The following DCHS2 variants were observed in gnomAD, a reference collection of about 807,000 sequenced individuals.
DCHS2 encodes the protein dachsous cadherin-related 2.
DCHS2 carries 142 observed loss-of-function variants against 182.4 expected under a neutral mutation model. The ratio of observed to expected loss-of-function variants is 0.78; its 90% confidence interval spans 0.68 to 0.89. The LOEUF (loss-of-function observed/expected upper bound fraction) is 0.89, where lower values mean the gene tolerates loss of function less well. Ranked by LOEUF, DCHS2 falls within the 40% of genes least tolerant of loss-of-function variation. The probability of loss-of-function intolerance (pLI) is 0.00; values close to 1 mark genes in which losing one functional copy is unlikely to be tolerated. For synonymous variants in DCHS2, 1,740 were observed against 1,663.3 expected, an observed-to-expected ratio of 1.05 and a Z score of -1.12; for missense variants, 4,319 against 4,198.6, an observed-to-expected ratio of 1.03 and a Z score of -0.79.
intron 14 of DCHS2, among the ~76,000 whole-genome samples, chr4:154,267,900 G>A (rs1377078033): frequency 6.6e-6 from 1 of 152,142 alleles, no homozygotes; most frequent in Non-Finnish European, 1.5e-5. Flanking sequence ...ATGGCTTAGG[G>A]TCACTCGTTT....
intron 13 of DCHS2, among the ~76,000 whole-genome samples, chr4:154,275,902 T>C (rs374802728): frequency 6.6e-6 from 1 of 152,156 alleles, no homozygotes; most frequent in African/African-American, 2.4e-5. Flanking sequence ...TTGTTGCAAA[T>C]CAAATTTTCA....
intron 12 of DCHS2, 88 bp from the exon 13 acceptor site, chr4:154,298,796 C>T (rs1735078898): frequency 6.9e-7 from 1 of 1,452,158 alleles, no homozygotes; most frequent in East Asian, 2.3e-5. Flanking sequence ...TTTATACATT[C>T]ATTAAAAATA....
At position 154,332,970 on chromosome 4, in the gene DCHS2, G is replaced by C; in HGVS notation, c.3238C>G (p.Pro1080Ala). ...TVVIEKREHS[P>A]SWTFEHLVYQ... is the part of the protein sequence containing the mutation. ...ACCAAATGTTCGAAAGTCCAGGATG[G>C]GCTGTGTTCGCGTTTCTCGATAACG... Residue 1080 changes from proline (P) to alanine (A), a missense_variant, in exon 5 of 20, where the codon CCA (proline) becomes GCA (alanine). Coordinates refer to ENST00000357232, the MANE Select transcript of DCHS2 (RefSeq NM_001358235.2). 1 of 1,614,178 alleles carries C rather than the reference G, an allele frequency of 6.2e-7. No homozygotes were observed. Among genetic ancestry groups the C allele is most frequent in the Non-Finnish European group, 8.5e-7 (1 of 1,180,034 alleles).
chr4:154,349,045 T>G (rs1729485080), intron 3 of DCHS2, among the ~76,000 whole-genome samples: 1 of 152,026 alleles, frequency 6.6e-6, no homozygotes. Flanking sequence ...GACAGTTAAA[T>G]CAGGCAGTTA....
rs974855125 is a variant in DCHS2, at chr4:154,491,306, G to A, written c.50C>T (p.Ala17Val). ...GAGCAGAAGGAGCTTCCCGACCGGA[G>A]CCCGCCGCTGCTGACGCCCTTCGCC... ...KMGEGRQQRR[A>V]PVGKLLLLPG... The change falls in exon 1 of 20, where the codon GCT becomes GTT. Residue 17 changes from alanine to valine, a missense_variant. Transcript: ENST00000357232. 51 of 1,547,636 alleles carry A rather than the reference G, an allele frequency of 3.3e-5. No individual in the cohort carries two copies. Among genetic ancestry groups the A allele is most frequent in the Non-Finnish European group, 4.4e-5 (50 of 1,144,558 alleles).
At chr4:154,283,593 TTATAAATTGTTGCA>T (rs369869256) in intron 13 of DCHS2, among the ~76,000 whole-genome samples, 3,639 of 152,256 alleles carry the variant, frequency 0.024, 123 homozygotes, top group African/African-American at 0.078. Flanking sequence ...AAAGAAGTGA[TTATAAATTGTTGCA>T]CTTAATTATT....
At chr4:154,483,632 A>G (rs1327669576) in intron 1 of DCHS2, among the ~76,000 whole-genome samples, 1 of 152,212 alleles carries the variant, frequency 6.6e-6, no homozygotes, top group Non-Finnish European at 1.5e-5. Context: ...GCAGATTCAA[A>G]TAACGAGTGC....
intron 13 of DCHS2, among the ~76,000 whole-genome samples, chr4:154,273,125 T>C (rs776519610): frequency 2.0e-5 from 3 of 152,136 alleles, no homozygotes; most frequent in Non-Finnish European, 4.4e-5. Context: ...GAAGTCATTA[T>C]ACAAAAAAGA....
At chr4:154,270,541 A>G (rs1387033252) in intron 13 of DCHS2, among the ~76,000 whole-genome samples, 1 of 152,014 alleles carries the variant, frequency 6.6e-6, no homozygotes, top group East Asian at 1.9e-4. Flanking sequence ...CAGGATAAGC[A>G]AAGGTCAGAT....
In DCHS2 at chr4:154,490,861, G is replaced by A. The variant is rs1728802782; in HGVS notation, c.495C>T (p.Pro165=). The change falls in exon 1 of 20, where the codon CCC becomes CCT. Residue 165 remains proline, a synonymous_variant. Coordinates refer to ENST00000357232, the MANE Select transcript of DCHS2 (RefSeq NM_001358235.2). Reference sequence around the variant, plus strand: ...GTTGCAGGGAGTCGAGGGGAAAGCGGGGCGAGTGGTCATTCACGTCGTTGA... The same window carrying A: ...GTTGCAGGGAGTCGAGGGGAAAGCGAGGCGAGTGGTCATTCACGTCGTTGA... ...IRVNDVNDHS[P]RFPLDSLQLD... is the part of the protein sequence containing the mutation. 2 of 1,551,464 alleles carry A rather than the reference G, an allele frequency of 1.3e-6. No homozygotes were observed.
intron 1 of DCHS2, among the ~76,000 whole-genome samples, chr4:154,386,850 A>G (rs1391294737): frequency 1.3e-5 from 2 of 152,240 alleles, no homozygotes; most frequent in East Asian, 3.8e-4. Context: ...CACTCATCAA[A>G]CACTCATTGA....
chr4:154,295,632 A>C (rs1734893798), intron 13 of DCHS2, among the ~76,000 whole-genome samples: 1 of 152,244 alleles, frequency 6.6e-6, no homozygotes, highest in Non-Finnish European at 1.5e-5. Context: ...TTTATACCCA[A>C]GTAACTTTAT....
chr4:154,285,430 A>C (rs998851836), intron 13 of DCHS2, among the ~76,000 whole-genome samples: 1 of 152,174 alleles, frequency 6.6e-6, no homozygotes, highest in Non-Finnish European at 1.5e-5. Context: ...GTGGGCTCTT[A>C]GGATCATTGA....
At chr4:154,391,536 T>C (rs1184278545) in intron 1 of DCHS2, among the ~76,000 whole-genome samples, 1 of 152,144 alleles carries the variant, frequency 6.6e-6, no homozygotes, top group East Asian at 1.9e-4. Context: ...AAAGGAGTGC[T>C]TCTCTAGGAG....
In DCHS2 at chr4:154,417,442, C is replaced by T. The variant is rs554764422; in HGVS notation, c.2053-39998G>A. Among the ~76,000 whole-genome samples the T allele has an allele frequency of 1.2e-4, 19 of 152,158 alleles. 1 individual carries two copies. The South Asian group carries it at 3.3e-3, about 27-fold the overall frequency. ...ACTCAACAGTTGTTTTAATTAACTCCCTCAGAGCAACTGTGGCCCCAATAA... is the reference window on the plus strand; with the variant it reads ...ACTCAACAGTTGTTTTAATTAACTCTCTCAGAGCAACTGTGGCCCCAATAA... On this transcript the variant is annotated intron_variant, in intron 1 of 19. Coordinates refer to ENST00000357232, the MANE Select transcript of DCHS2 (RefSeq NM_001358235.2).
At chr4:154,275,583 A>C (rs1341742775) in intron 13 of DCHS2, among the ~76,000 whole-genome samples, 4 of 152,066 alleles carry the variant, frequency 2.6e-5, no homozygotes, top group African/African-American at 9.7e-5. Context: ...TTACAGTAGT[A>C]CAATATGTTT....
chr4:154,284,739 T>A (rs1734312376), intron 13 of DCHS2, among the ~76,000 whole-genome samples: 1 of 152,186 alleles, frequency 6.6e-6, no homozygotes, highest in Non-Finnish European at 1.5e-5. Context: ...TCTCAGCAGT[T>A]GGAACCTGAA....
chr4:154,264,603 T>C lies in DCHS2; in HGVS notation c.6578-4847A>G, dbSNP rs1019947263. Among the ~76,000 whole-genome samples the C allele has an allele frequency of 4.6e-5, 7 of 152,154 alleles. No homozygotes were observed. In the South Asian group the frequency reaches 1.2e-3, roughly 27 times the overall value. On this transcript the variant is annotated intron_variant, in intron 14 of 19. Transcript: ENST00000357232. ...AACAGCTAGCTTCTTAATGCGACAA[T>C]GGGATGCCAGAAGCCAGTAGAATAA...
chr4:154,331,959 G>A (rs1736548730), intron 5 of DCHS2, among the ~76,000 whole-genome samples: 1 of 152,032 alleles, frequency 6.6e-6, no homozygotes, highest in South Asian at 2.1e-4. Flanking sequence ...TTTTCCTCTG[G>A]TTCCCCTGTC....
Sources: gnomAD v4.1 joint callset for allele counts (sites outside exome capture counted in the v4.1 genomes callset) on GRCh38, gnomAD v4.1.1 for gene constraint, MANE v1.5 for transcripts, NCBI Gene and HGNC (gene_info 2026-07-23, HGNC 2026-07-21) for gene names.